The following MICALL1 variants were observed in gnomAD, a reference collection of about 807,000 sequenced individuals.
The protein encoded by MICALL1 is MICAL like 1, also known as MICAL-like protein 1.
In MICALL1, 61 loss-of-function variants were observed where a neutral mutation model predicts 83.7. The observed-to-expected ratio is 0.73, with a 90% CI of 0.59 to 0.90. The LOEUF is 0.90. MICALL1 is among the 40% of genes least tolerant of loss of function. MICALL1 has a pLI of 0.00. For synonymous variants in MICALL1, 481 were observed against 473.6 expected, an observed-to-expected ratio of 1.02 and a Z score of -0.20; for missense variants, 1,066 against 1,152.0, an observed-to-expected ratio of 0.93 and a Z score of 1.08.
rs773104799 is a variant in MICALL1, at chr22:37,932,895, C to T, written c.2234+7C>T. The T allele has an allele frequency of 3.1e-6, 5 of 1,613,858 alleles. No homozygotes were observed. The highest frequency in any genetic ancestry group is 4.2e-6 in the Non-Finnish European group (5 of 1,179,804). On this transcript the variant is annotated splice_region_variant and intron_variant, in intron 12 of 15. Transcript: ENST00000215957. The surrounding 1 kb of genome is among the most constrained non-coding windows in gnomAD (Gnocchi z 4.4). ...AGTCCGAGCTCATCTATGTGTGAGT[C>T]CCCCCGCCTGGGGCATCCCTCCCTG... is the stretch of plus-strand genomic sequence containing the variant.
chr22:37,937,928 G>A, intron 15 of MICALL1, 136 bp downstream of exon 15: 2 of 1,062,278 alleles, frequency 1.9e-6, no homozygotes, highest in Non-Finnish European at 2.8e-6. Flanking sequence ...AGCCTCTGTT[G>A]TGCAGAGAGG....
At position 37,932,441 on chromosome 22, in the gene MICALL1, G is replaced by C; in HGVS notation, c.2017-112G>C. ...CTGCCTTCTTACCATGCTGGGGTGG[G>C]GGACAGGGCCCGGGCCCTGGAGCCA... On this transcript the variant is annotated intron_variant, in intron 10 of 15. Transcript: ENST00000215957. This position sits in a 1 kb window ranked among gnomAD's most constrained non-coding sequence, Gnocchi z 4.4. The C allele has an allele frequency of 6.6e-7, 1 of 1,508,086 alleles. No homozygotes were observed. The highest frequency in any genetic ancestry group is 8.9e-7 in the Non-Finnish European group (1 of 1,121,946). The allele number at this position is 1,508,086 out of a possible 1,614,324, so 93.4% of individuals were successfully genotyped here. A position where few individuals can be genotyped will look rare whatever the true frequency, so the allele number is the denominator to read the frequency against.
In MICALL1 at chr22:37,932,832, C is replaced by T. The variant is rs1471972969; in HGVS notation, c.2178C>T (p.Phe726=). 6.2e-7 allele frequency: 1 copy of T among 1,614,080 alleles called. No homozygotes were observed. The highest frequency in any genetic ancestry group is 2.2e-5 in the East Asian group (1 of 44,862). The change falls in exon 12 of 16, where the codon TTC becomes TTT. Residue 726 remains phenylalanine (F), a synonymous_variant. Coordinates refer to ENST00000215957, the MANE Select transcript of MICALL1 (RefSeq NM_033386.4). This position sits in a 1 kb window ranked among gnomAD's most constrained non-coding sequence, Gnocchi z 4.4. ...GREDDMLVDW[F]KLIHEKHLLV... is the part of the protein sequence containing the mutation. ...AGGATGACATGCTGGTGGACTGGTTCAAGCTCATCCACGAGAAGCACCTAC... is the reference window on the plus strand; with the variant it reads ...AGGATGACATGCTGGTGGACTGGTTTAAGCTCATCCACGAGAAGCACCTAC...
chr22:37,912,323 C>G, intron 2 of MICALL1, 28 bp from the exon 3 acceptor site: 1 of 1,586,558 alleles, frequency 6.3e-7, no homozygotes, highest in Non-Finnish European at 8.6e-7. Flanking sequence ...TTCGGCTGCT[C>G]CCGCCCTTGT....
Position 37,940,699 on chromosome 22 carries a change from T to A in MICALL1, c.2471-10T>A. On this transcript the variant is annotated splice_polypyrimidine_tract_variant and intron_variant, in intron 15 of 15. Transcript: ENST00000215957. The stretch of plus-strand genomic sequence containing the variant: ...CCACTTTATTAAGTGCTCCCCTCTC[T>A]GTGCTGCAGAGTTCCAGAGGGAGGC... 6.2e-7 allele frequency: 1 copy of A among 1,613,562 alleles called. No homozygotes were observed. The highest frequency in any genetic ancestry group is 8.5e-7 in the Non-Finnish European group (1 of 1,179,628).
intron 1 of MICALL1, among the ~76,000 whole-genome samples, chr22:37,907,838 G>A (rs989926396): frequency 6.6e-6 from 1 of 152,230 alleles, no homozygotes; most frequent in Non-Finnish European, 1.5e-5. Flanking sequence ...CCTGCCCGCT[G>A]TGGGGCATGT....
intron 10 of MICALL1, 21 bp downstream of exon 10, chr22:37,931,954 G>A (rs1186532501): frequency 2.5e-6 from 4 of 1,611,754 alleles, no homozygotes; most frequent in Admixed American, 1.7e-5. Flanking sequence ...GGAGCCCCCC[G>A]AGACCAGGCT....
chr22:37,915,195 T>C (rs1928599748), intron 3 of MICALL1, among the ~76,000 whole-genome samples: 6 of 152,042 alleles, frequency 3.9e-5, no homozygotes, highest in Admixed American at 2.0e-4. Flanking sequence ...GAGGCTGCGG[T>C]GAGCTATGAT....
At chr22:37,915,764 GTCT>G (rs1928638386) in intron 3 of MICALL1, among the ~76,000 whole-genome samples, 1 of 150,932 alleles carries the variant, frequency 6.6e-6, no homozygotes, top group Admixed American at 6.7e-5. Context: ...TCATGCCTCA[GTCT>G]CCCAAGTAGC....
chr22:37,914,631 G>A (rs1569136708), intron 3 of MICALL1, among the ~76,000 whole-genome samples: 3 of 150,986 alleles, frequency 2.0e-5, no homozygotes, highest in Admixed American at 6.6e-5. Context: ...ACACACACAC[G>A]CACATATATG....
At position 37,940,902 on chromosome 22, in the gene MICALL1, C is replaced by T. The variant is rs1001696099; in HGVS notation, c.*72C>T. 8.9e-6 allele frequency: 14 copies of T among 1,578,594 alleles called. No homozygotes were observed. The highest frequency in any genetic ancestry group is 6.8e-5 in the African/African-American group (5 of 74,074). On this transcript the variant is annotated 3_prime_UTR_variant, in exon 16 of 16. Coordinates refer to ENST00000215957, the MANE Select transcript of MICALL1 (RefSeq NM_033386.4). ...TGGGCTGTGCTCTGTTTGAAGGGGGCGCCCTGCTCCCCTCAGATCAGTCAG... is the reference window on the plus strand; with the variant it reads ...TGGGCTGTGCTCTGTTTGAAGGGGGTGCCCTGCTCCCCTCAGATCAGTCAG...
chr22:37,914,465 G>C (rs1928544508), intron 3 of MICALL1, among the ~76,000 whole-genome samples: 1 of 151,234 alleles, frequency 6.6e-6, no homozygotes, highest in African/African-American at 2.4e-5. Context: ...GACCTCAGGT[G>C]ATCCACCCAC....
rs1419851206 is a variant in MICALL1, at chr22:37,942,684, G to A, written c.*1854G>A. 3 of 152,142 alleles carry A rather than the reference G, an allele frequency of 2.0e-5. No homozygotes were observed. The highest frequency in any genetic ancestry group is 7.2e-5 in the African/African-American group (3 of 41,410). The allele number at this position is 152,142 out of a possible 1,614,324, so 9.4% of individuals were successfully genotyped here. On this transcript the variant is annotated 3_prime_UTR_variant, in exon 16 of 16. Coordinates refer to ENST00000215957, the MANE Select transcript of MICALL1 (RefSeq NM_033386.4). Reference sequence around the variant, plus strand: ...GCCTGGCTAATTTTTTGTATTTTTAGTAGAGACGGGGTTTCACCGTGTTAA... The same window carrying A: ...GCCTGGCTAATTTTTTGTATTTTTAATAGAGACGGGGTTTCACCGTGTTAA...
chr22:37,919,965 C>T (rs753211451), intron 5 of MICALL1, among the ~76,000 whole-genome samples: 2 of 151,228 alleles, frequency 1.3e-5, no homozygotes, highest in Admixed American at 6.6e-5. Flanking sequence ...CCAGCCTGGG[C>T]GACAGAACGA....
intron 1 of MICALL1, among the ~76,000 whole-genome samples, chr22:37,908,710 AC>A (rs1601800397): frequency 6.6e-6 from 1 of 151,984 alleles, no homozygotes; most frequent in Non-Finnish European, 1.5e-5. Flanking sequence ...AAAACAGGCA[AC>A]CCTACACGCT....
intron 15 of MICALL1, 124 bp from the exon 16 acceptor site, chr22:37,940,585 C>A: frequency 5.9e-6 from 7 of 1,196,104 alleles, no homozygotes; most frequent in Non-Finnish European, 7.1e-6. Context: ...AGGCTCCACA[C>A]AGGAAGTGGT....
At position 37,913,495 on chromosome 22, in the gene MICALL1, C is replaced by G. The variant is rs866706680; in HGVS notation, c.337+1003C>G. 7.9e-5 allele frequency among the ~76,000 whole-genome samples: 12 copies of G among 152,322 alleles called. No homozygotes were observed. The South Asian group carries it at 2.3e-3, about 29-fold the overall frequency. ...GCAGACACTTCCTTGGGTTTTTCCT[C>G]CAGCAGGGAAGTGGCTCTGTCTGGT... is the stretch of plus-strand genomic sequence containing the variant. On this transcript the variant is annotated intron_variant, in intron 3 of 15. Transcript: ENST00000215957.
chr22:37,932,449 G>C lies in MICALL1; in HGVS notation c.2017-104G>C, dbSNP rs889232514. The C allele has an allele frequency of 4.6e-6, 7 of 1,534,698 alleles. No homozygotes were observed. Among genetic ancestry groups the C allele is most frequent in the Middle Eastern group, 2.3e-4 (1 of 4,358 alleles). ...TTACCATGCTGGGGTGGGGGACAGG[G>C]CCCGGGCCCTGGAGCCACCAGTGGC... is the stretch of plus-strand genomic sequence containing the variant. On this transcript the variant is annotated intron_variant, in intron 10 of 15. Coordinates refer to ENST00000215957, the MANE Select transcript of MICALL1 (RefSeq NM_033386.4). This position sits in a 1 kb window ranked among gnomAD's most constrained non-coding sequence, Gnocchi z 4.4.
intron 9 of MICALL1, among the ~76,000 whole-genome samples, chr22:37,928,354 C>T (rs1356638896): frequency 6.6e-6 from 1 of 152,070 alleles, no homozygotes; most frequent in African/African-American, 2.4e-5. Flanking sequence ...CTACAGGCGC[C>T]CGCCACCATG....
Sources: gnomAD v4.1 joint callset for allele counts (sites outside exome capture counted in the v4.1 genomes callset) on GRCh38, gnomAD v4.1.1 for gene constraint, Gnocchi (gnomAD v3.1) non-coding constraint, MANE v1.5 for transcripts, NCBI Gene and HGNC (gene_info 2026-07-23, HGNC 2026-07-21) for gene names.